The following SSBP2 variants were observed in gnomAD, a reference collection of about 807,000 sequenced individuals.
SSBP2 encodes single-stranded DNA-binding protein 2.
Under a neutral mutation model 61.8 loss-of-function variants are expected in SSBP2, and 17 were observed. The observed-to-expected ratio is 0.28, with a 90% CI of 0.19 to 0.41. SSBP2 has a LOEUF of 0.41. Ranked by LOEUF, SSBP2 falls within the 10% of genes least tolerant of loss-of-function variation. The pLI, the probability that SSBP2 is intolerant of heterozygous loss-of-function variation, is 1.00. For synonymous variants in SSBP2, 139 were observed against 141.3 expected (o/e 0.98, Z 0.12); for missense variants, 310 against 458.7 (o/e 0.68, Z 2.96).
intron 1 of SSBP2, among the ~76,000 whole-genome samples, chr5:81,730,187 G>C (rs1317082484): frequency 6.6e-6 from 1 of 152,038 alleles, no homozygotes; most frequent in East Asian, 1.9e-4. Context: ...TAAAATGAAC[G>C]CTTCATCATT....
chr5:81,466,251 A>G (rs969464394), intron 9 of SSBP2, among the ~76,000 whole-genome samples: 1 of 152,044 alleles, frequency 6.6e-6, no homozygotes, highest in Admixed American at 6.6e-5. Flanking sequence ...TAAGACTTGG[A>G]GGGCAAGCTG....
At chr5:81,661,171 T>A (rs760879451) in intron 1 of SSBP2, among the ~76,000 whole-genome samples, 1 of 152,106 alleles carries the variant, frequency 6.6e-6, no homozygotes, top group Non-Finnish European at 1.5e-5. Flanking sequence ...CTTTAAAAAA[T>A]TGTTTTTTAA....
chr5:81,666,126 C>T (rs77216456), intron 1 of SSBP2, among the ~76,000 whole-genome samples: 5,424 of 152,220 alleles, frequency 0.036, 270 homozygotes, highest in African/African-American at 0.12. Context: ...ATTATTAACA[C>T]TTAAGCTAAA....
At chr5:81,582,598 T>C (rs1328949286) in intron 4 of SSBP2, among the ~76,000 whole-genome samples, 3 of 152,192 alleles carry the variant, frequency 2.0e-5, no homozygotes, top group African/African-American at 4.8e-5. Flanking sequence ...TGTCTTCTTT[T>C]ATTTTTTCTT....
chr5:81,523,918 A>C (rs1448937092), intron 4 of SSBP2, among the ~76,000 whole-genome samples: 1 of 152,092 alleles, frequency 6.6e-6, no homozygotes, highest in Non-Finnish European at 1.5e-5. Flanking sequence ...CTCCGCTTTC[A>C]CAAGTTGTAA....
chr5:81,591,200 T>A (rs377264662), intron 4 of SSBP2, among the ~76,000 whole-genome samples: 1 of 152,178 alleles, frequency 6.6e-6, no homozygotes, highest in South Asian at 2.1e-4. Context: ...TAGAGAAATC[T>A]GAAACCTGTG....
intron 4 of SSBP2, among the ~76,000 whole-genome samples, chr5:81,556,368 T>A (rs1411259377): frequency 6.6e-6 from 1 of 152,046 alleles, no homozygotes; most frequent in Non-Finnish European, 1.5e-5. Context: ...TATATTTCAA[T>A]AGCAAAGAAA....
intron 5 of SSBP2, among the ~76,000 whole-genome samples, chr5:81,490,081 C>T (rs1361211539): frequency 6.7e-6 from 1 of 149,986 alleles, no homozygotes; most frequent in Admixed American, 6.6e-5. Flanking sequence ...AATTTCTTTG[C>T]ATATTTTGAC....
chr5:81,461,209 G>A, intron 9 of SSBP2, 106 bp from the exon 10 acceptor site: 3 of 805,086 alleles, frequency 3.7e-6, no homozygotes, highest in South Asian at 2.8e-5. Context: ...TTACTATGCA[G>A]TTCTAGTTTG....
intron 12 of SSBP2, among the ~76,000 whole-genome samples, chr5:81,444,310 T>C (rs1349738688): frequency 6.6e-6 from 1 of 152,178 alleles, no homozygotes; most frequent in Non-Finnish European, 1.5e-5. Context: ...TCCATGATTT[T>C]GTTCTTTCTT....
chr5:81,745,290 G>A (rs901420989), intron 1 of SSBP2, among the ~76,000 whole-genome samples: 1 of 151,846 alleles, frequency 6.6e-6, no homozygotes, highest in Non-Finnish European at 1.5e-5. Context: ...GTATGTATAG[G>A]GTTTTAATCT....
At chr5:81,475,116 T>C (rs1765500432) in intron 6 of SSBP2, among the ~76,000 whole-genome samples, 1 of 152,166 alleles carries the variant, frequency 6.6e-6, no homozygotes, top group Admixed American at 6.5e-5. Context: ...AAGGTAGATA[T>C]GAACGTAACA....
At chr5:81,439,826 C>G (rs985228841) in intron 14 of SSBP2, among the ~76,000 whole-genome samples, 1 of 151,942 alleles carries the variant, frequency 6.6e-6, no homozygotes, top group African/African-American at 2.4e-5. Context: ...CACCCACCAC[C>G]GCGCCTGGCT....
chr5:81,458,104 AAAAC>A (rs374553653), intron 10 of SSBP2, among the ~76,000 whole-genome samples: 1,554 of 152,362 alleles, frequency 0.01, 28 homozygotes, highest in African/African-American at 0.035. Flanking sequence ...AAGAAAGGCC[AAAAC>A]AAACAAACAA....
chr5:81,561,793 A>G (rs1215477326), intron 4 of SSBP2, among the ~76,000 whole-genome samples: 1 of 152,208 alleles, frequency 6.6e-6, no homozygotes, highest in Non-Finnish European at 1.5e-5. Flanking sequence ...TGCTGAAATT[A>G]AAGATTCATT....
intron 4 of SSBP2, among the ~76,000 whole-genome samples, chr5:81,557,350 T>C (rs1426995406): frequency 2.0e-5 from 3 of 152,182 alleles, no homozygotes; most frequent in Admixed American, 6.6e-5. Flanking sequence ...CTTGAGTTCT[T>C]TGACTATCTT....
At chr5:81,486,587 A>G (rs1436520769) in intron 6 of SSBP2, among the ~76,000 whole-genome samples, 1 of 152,192 alleles carries the variant, frequency 6.6e-6, no homozygotes, top group Non-Finnish European at 1.5e-5. Context: ...CTAAAAAACC[A>G]TGAAGCCTGC....
intron 14 of SSBP2, 195 bp from the exon 15 acceptor site, chr5:81,437,653 A>G (rs1388885303): frequency 2.5e-6 from 1 of 396,120 alleles, no homozygotes; most frequent in Non-Finnish European, 4.6e-6. Context: ...AAATGCAAGG[A>G]GTTCTATCCT....
chr5:81,632,801 G>T (rs1289202438), intron 3 of SSBP2, among the ~76,000 whole-genome samples: 4 of 152,042 alleles, frequency 2.6e-5, no homozygotes, highest in Non-Finnish European at 4.4e-5. Context: ...ATTCCTCCAG[G>T]TATCATTTCT....
Sources: gnomAD v4.1 joint callset for allele counts (sites outside exome capture counted in the v4.1 genomes callset) on GRCh38, gnomAD v4.1.1 for gene constraint, MANE v1.5 for transcripts, NCBI Gene and HGNC (gene_info 2026-07-23, HGNC 2026-07-21) for gene names.